The following ERGIC2 variants were observed in gnomAD, a reference collection of about 807,000 sequenced individuals.
ERGIC2 encodes the protein ERGIC and golgi 2, also known as endoplasmic reticulum-Golgi intermediate compartment protein 2.
A neutral mutation model predicts 52.5 loss-of-function variants in ERGIC2; 31 were observed. That is an observed-to-expected ratio of 0.59 (90% confidence interval 0.44 to 0.80). The LOEUF is 0.80. Ranked by LOEUF, ERGIC2 falls within the 30% of genes least tolerant of loss-of-function variation. ERGIC2 has a pLI of 0.00. For synonymous variants in ERGIC2, 129 were observed against 140.6 expected (o/e 0.92, Z 0.58); for missense variants, 395 against 455.2 (o/e 0.87, Z 1.20).
intron 5 of ERGIC2, among the ~76,000 whole-genome samples, chr12:29,365,325 G>A (rs1940344722): frequency 6.6e-6 from 1 of 151,988 alleles, no homozygotes; most frequent in South Asian, 2.1e-4. Flanking sequence ...TGCAGCTGGA[G>A]GCAATAATCC....
intron 11 of ERGIC2, 99 bp downstream of exon 11, chr12:29,345,344 G>A (rs1023472579): frequency 8.9e-6 from 6 of 676,324 alleles, no homozygotes; most frequent in Non-Finnish European, 1.6e-5. Flanking sequence ...AATGAGGGAA[G>A]ACACCAAGTA....
rs770296000 is a variant in ERGIC2 at position 29,357,682 on chromosome 12, T to C, written c.417A>G (p.Ser139=). 1 of 1,609,978 alleles carries C rather than the reference T, an allele frequency of 6.2e-7. No homozygotes were observed. The highest frequency in any genetic ancestry group is 1.1e-5 in the South Asian group (1 of 90,786). Residue 139 remains serine, a synonymous_variant, in exon 7 of 14, where the codon TCA becomes TCG. Coordinates refer to ENST00000360150, the MANE Select transcript of ERGIC2 (RefSeq NM_016570.3). Reference sequence around the variant, plus strand: ...CACTTTTAAATATCACATCTTGAAGTGAATGCTCTTCTTGTAGCCTACTCT... The same window carrying C: ...CACTTTTAAATATCACATCTTGAAGCGAATGCTCTTCTTGTAGCCTACTCT... ...LIQSRLQEEH[S]LQDVIFKSAF...
At chr12:29,357,559 T>A (rs1395829198) in intron 7 of ERGIC2, 64 bp downstream of exon 7, 2 of 855,706 alleles carry the variant, frequency 2.3e-6, no homozygotes. Context: ...ACCAACACTT[T>A]AGTTTTAACT....
intron 6 of ERGIC2, among the ~76,000 whole-genome samples, chr12:29,358,393 T>G (rs1012503465): frequency 2.0e-5 from 3 of 152,144 alleles, no homozygotes; most frequent in African/African-American, 7.2e-5. Context: ...AAGGGAAGAA[T>G]AAACAGGCAG....
rs1008410083 is a variant in ERGIC2 at position 29,340,651 on chromosome 12, C to T, written c.*505G>A. On this transcript the variant is annotated 3_prime_UTR_variant, in exon 14 of 14. Coordinates refer to ENST00000360150, the MANE Select transcript of ERGIC2 (RefSeq NM_016570.3). The stretch of plus-strand genomic sequence containing the variant: ...TATGGCTATAACATAGGGACTAGCC[C>T]GTTTTTTTTTTTTATTAACAATGTG... The T allele has an allele frequency of 1.8e-5, 5 of 273,504 alleles. No individual in the cohort carries two copies. Among genetic ancestry groups the T allele is most frequent in the Admixed American group, 1.6e-4 (3 of 19,018 alleles). The allele number at this position is 273,504 out of a possible 1,614,324, so 16.9% of individuals were successfully genotyped here. A position where few individuals can be genotyped will look rare whatever the true frequency, so the allele number is the denominator to read the frequency against.
chr12:29,371,452 C>T, intron 2 of ERGIC2, 76 bp downstream of exon 2: 4 of 933,188 alleles, frequency 4.3e-6, no homozygotes, highest in Middle Eastern at 2.2e-4. Context: ...CTCATGGCTA[C>T]ATTTCTATAT....
At chr12:29,365,538 C>T (rs1215868873) in intron 5 of ERGIC2, among the ~76,000 whole-genome samples, 2 of 151,592 alleles carry the variant, frequency 1.3e-5, no homozygotes, top group African/African-American at 4.8e-5. Flanking sequence ...TCAATCATAA[C>T]CTGAAAACCT....
At chr12:29,370,996 T>A (rs1940433072) in intron 2 of ERGIC2, among the ~76,000 whole-genome samples, 1 of 152,136 alleles carries the variant, frequency 6.6e-6, no homozygotes, top group African/African-American at 2.4e-5. Flanking sequence ...AATGTCAACC[T>A]TAAGTGAAAT....
At chr12:29,361,918 C>T (rs1192789841) in intron 5 of ERGIC2, among the ~76,000 whole-genome samples, 3 of 152,024 alleles carry the variant, frequency 2.0e-5, no homozygotes, top group Non-Finnish European at 2.9e-5. Flanking sequence ...TTACAGTTAT[C>T]GACATTTACA....
intron 1 of ERGIC2, among the ~76,000 whole-genome samples, chr12:29,372,156 A>G (rs9651841): frequency 0.058 from 8,859 of 151,984 alleles, 817 homozygotes; most frequent in African/African-American, 0.2. Context: ...AGTCTGGCCA[A>G]CATGGGAAAA....
At position 29,340,961 on chromosome 12, in the gene ERGIC2, T is replaced by A. The variant is rs1949834793; in HGVS notation, c.*195A>T. 1.7e-6 allele frequency: 1 copy of A among 582,242 alleles called. No individual in the cohort carries two copies. 36.1% of individuals were successfully genotyped at this position (582,242 alleles called of 1,614,324 possible). A position where few individuals can be genotyped will look rare whatever the true frequency, so the allele number is the denominator to read the frequency against. On this transcript the variant is annotated 3_prime_UTR_variant, in exon 14 of 14. Coordinates refer to ENST00000360150, the MANE Select transcript of ERGIC2 (RefSeq NM_016570.3). ...CATCGTTTAGCTGCATGATTTCTTC[T>A]ACGACATTTGTAACAGACACAACGT...
intron 1 of ERGIC2, among the ~76,000 whole-genome samples, chr12:29,375,368 T>C (rs1425666008): frequency 6.6e-6 from 1 of 152,182 alleles, no homozygotes; most frequent in African/African-American, 2.4e-5. Flanking sequence ...TCAATATTTA[T>C]TGAGAAAAGG....
intron 5 of ERGIC2, among the ~76,000 whole-genome samples, chr12:29,362,795 G>A (rs1940305258): frequency 6.6e-6 from 1 of 152,116 alleles, no homozygotes; most frequent in African/African-American, 2.4e-5. Context: ...ACCTCCTGAT[G>A]AATTTGCCTA....
intron 6 of ERGIC2, 23 bp from the exon 7 acceptor site, chr12:29,357,747 G>C (rs1010569493): frequency 7.4e-7 from 1 of 1,342,790 alleles, no homozygotes; most frequent in African/African-American, 1.4e-5. Context: ...CAATAATTTA[G>C]AACTACAGAA....
At chr12:29,356,862 G>A (rs1203814043) in intron 7 of ERGIC2, among the ~76,000 whole-genome samples, 1 of 152,112 alleles carries the variant, frequency 6.6e-6, no homozygotes, top group Non-Finnish European at 1.5e-5. Flanking sequence ...GGAAAGGCAT[G>A]CCACCTAAAT....
intron 1 of ERGIC2, among the ~76,000 whole-genome samples, chr12:29,373,865 T>C (rs1940477700): frequency 6.6e-6 from 1 of 152,228 alleles, no homozygotes; most frequent in Non-Finnish European, 1.5e-5. Flanking sequence ...ATTAAGCTTC[T>C]GAATGTTTGT....
intron 10 of ERGIC2, 41 bp from the exon 11 acceptor site, chr12:29,345,581 A>T: frequency 1.0e-6 from 1 of 981,894 alleles, no homozygotes; most frequent in Non-Finnish European, 1.6e-6. Flanking sequence ...CAGTAGCAAC[A>T]AAACTACTGC....
Position 29,338,563 on chromosome 12 carries a change from G to A in ERGIC2, c.*2593C>T, listed in dbSNP as rs953001394. ...GCAGATGGAAGCAGGAGGATTGCTTGAACCCAGGAGTTCGAGGATGCAGTG... is the reference window on the plus strand; with the variant it reads ...GCAGATGGAAGCAGGAGGATTGCTTAAACCCAGGAGTTCGAGGATGCAGTG... On this transcript the variant is annotated 3_prime_UTR_variant, in exon 14 of 14. Coordinates refer to ENST00000360150, the MANE Select transcript of ERGIC2 (RefSeq NM_016570.3). 1 of 152,090 alleles carries A rather than the reference G, an allele frequency of 6.6e-6. No homozygotes were observed. The highest frequency in any genetic ancestry group is 1.5e-5 in the Non-Finnish European group (1 of 68,090). The allele number at this position is 152,090 out of a possible 1,614,324, so 9.4% of individuals were successfully genotyped here.
At chr12:29,361,720 C>A in intron 5 of ERGIC2, 35 bp from the exon 6 acceptor site, 1 of 1,554,276 alleles carries the variant, frequency 6.4e-7, no homozygotes, top group South Asian at 1.2e-5. Flanking sequence ...CTAGCATTGT[C>A]AAATTCTCTT....
Sources: allele counts gnomAD v4.1 joint callset (sites outside exome capture counted in the v4.1 genomes callset), GRCh38; gene constraint gnomAD v4.1.1; transcripts MANE v1.5; gene names NCBI Gene and HGNC (gene_info 2026-07-23, HGNC 2026-07-21).